The following ASXL3 variants were observed in gnomAD, a reference collection of about 807,000 sequenced individuals.
The protein encoded by ASXL3 is putative Polycomb group protein ASXL3.
Under a neutral mutation model 170.6 loss-of-function variants are expected in ASXL3, and 34 were observed. The ratio of observed to expected loss-of-function variants is 0.20; its 90% CI spans 0.15 to 0.27. The LOEUF (loss-of-function observed/expected upper bound fraction) is 0.27, where lower values mean the gene tolerates loss of function less well. Among genes scored for constraint, ASXL3 ranks in the 10% least tolerant of loss-of-function variants. ASXL3 has a pLI of 1.00. For synonymous variants in ASXL3, 1,002 were observed against 989.1 expected, an observed-to-expected ratio of 1.01 and a Z score of -0.24; for missense variants, 2,592 against 2,695.3, an observed-to-expected ratio of 0.96 and a Z score of 0.85.
intron 8 of ASXL3, chr18:33,690,143 G>A (rs2066664423): frequency 1.3e-5 from 2 of 152,138 alleles, no homozygotes; most frequent in Admixed American, 6.5e-5. Context: ...GATTACAGGG[G>A]TGAGCCACCA....
At position 33,744,019 on chromosome 18, in the gene ASXL3, G is replaced by A; in HGVS notation, c.4171G>A (p.Val1391Met). The A allele has an allele frequency of 1.2e-6, 2 of 1,614,032 alleles. No homozygotes were observed. The highest frequency in any genetic ancestry group is 1.7e-6 in the Non-Finnish European group (2 of 1,179,896). The change falls in exon 12 of 12, where the codon GTG (valine) becomes ATG (methionine). Residue 1391 changes from valine to methionine, a missense_variant. Val to Met is a conservative substitution (Grantham distance 21, BLOSUM62 1). This residue lies in a region of ASXL3 where 2,246 missense variants were observed against 2,219.6 expected (regional missense o/e 1.01). Transcript: ENST00000269197. ...EQATVSMGTT[V>M]RAALSCSDSV... ...GGCCACTGTATCCATGGGTACCACT[G>A]TGAGAGCAGCCCTCAGCTGCAGTGA...
At chr18:33,719,618 G>T (rs979053600) in intron 8 of ASXL3, among the ~76,000 whole-genome samples, 2 of 152,042 alleles carry the variant, frequency 1.3e-5, no homozygotes, top group African/African-American at 4.8e-5. Context: ...TAATTTATAT[G>T]TTGAAATCCT....
rs1337193599 is a variant in ASXL3 at position 33,578,383 on chromosome 18, CCCGCCGCGCGCCGCCGCCGCCG to C, written c.-245_-224del. ...TGCCGCCGCCCCCGCCCCCGGCCCG[CCCGCCGCGCGCCGCCGCCGCCG>C]CCGTCGCGCGCCCCCACCCACTCCA... is the stretch of plus-strand genomic sequence containing the variant. On this transcript the variant is annotated 5_prime_UTR_variant, in exon 1 of 12. Transcript: ENST00000269197. The C allele has an allele frequency of 8.4e-6, 1 of 119,474 alleles. No homozygotes were observed. The highest frequency in any genetic ancestry group is 3.1e-5 in the African/African-American group (1 of 32,066). 7.4% of individuals were successfully genotyped at this position (119,474 alleles called of 1,614,324 possible). A position where few individuals can be genotyped will look rare whatever the true frequency, so the allele number is the denominator to read the frequency against.
chr18:33,748,436 G>A lies in ASXL3; in HGVS notation c.*1841G>A, dbSNP rs911556709. On this transcript the variant is annotated 3_prime_UTR_variant, in exon 12 of 12. Coordinates refer to ENST00000269197, the MANE Select transcript of ASXL3 (RefSeq NM_030632.3). Reference sequence around the variant, plus strand: ...ACTTTATCTTAGAAAGAAAGAAAAGGCCTGCTGCTGTAGCCATGATTTTGG... The same window carrying A: ...ACTTTATCTTAGAAAGAAAGAAAAGACCTGCTGCTGTAGCCATGATTTTGG... 1 of 152,120 alleles carries A rather than the reference G, an allele frequency of 6.6e-6. No homozygotes were observed. Among genetic ancestry groups the A allele is most frequent in the African/African-American group, 2.4e-5 (1 of 41,412 alleles). 9.4% of individuals were successfully genotyped at this position (152,120 alleles called of 1,614,324 possible).
At position 33,718,064 on chromosome 18, in the gene ASXL3, AACAAAAGTATC is replaced by A. The variant is rs1322605590; in HGVS notation, c.880-13897_880-13887del. Among the ~76,000 whole-genome samples the A allele has an allele frequency of 3.3e-5, 5 of 152,098 alleles. No individual in the cohort carries two copies. In the South Asian group the frequency reaches 8.3e-4, roughly 25 times the overall value. ...ATAAAATCTGTTGTTTATACTCCCT[AACAAAAGTATC>A]ACAAAACTGGTAGGGTTAAGTAGAG... On this transcript the variant is annotated intron_variant, in intron 8 of 11. Coordinates refer to ENST00000269197, the MANE Select transcript of ASXL3 (RefSeq NM_030632.3).
chr18:33,705,135 G>C (rs563940790), intron 8 of ASXL3, among the ~76,000 whole-genome samples: 2 of 151,648 alleles, frequency 1.3e-5, no homozygotes, highest in Admixed American at 1.3e-4. Context: ...TCAATATACA[G>C]TTGATTCTTA....
At chr18:33,657,984 G>C (rs1238093162) in intron 4 of ASXL3, among the ~76,000 whole-genome samples, 2 of 152,092 alleles carry the variant, frequency 1.3e-5, no homozygotes, top group Non-Finnish European at 2.9e-5. Flanking sequence ...CAAAGTATAA[G>C]GTCCTGGCAT....
intron 7 of ASXL3, among the ~76,000 whole-genome samples, chr18:33,677,209 G>GT (rs1323772478): frequency 4.6e-5 from 7 of 152,010 alleles, no homozygotes; most frequent in Admixed American, 4.6e-4. Context: ...AGCTTTGTTG[G>GT]TTTTATAAAA....
intron 7 of ASXL3, among the ~76,000 whole-genome samples, chr18:33,679,368 A>C (rs1218488048): frequency 1.3e-5 from 2 of 152,114 alleles, no homozygotes; most frequent in Non-Finnish European, 2.9e-5. Context: ...CTACATACCC[A>C]ACATCTCAAC....
intron 3 of ASXL3, 50 bp downstream of exon 3, chr18:33,645,052 T>C: frequency 1.5e-6 from 2 of 1,318,872 alleles, no homozygotes; most frequent in Non-Finnish European, 1.0e-6. Context: ...ATGCATTTTT[T>C]CAGACATGTG....
intron 2 of ASXL3, among the ~76,000 whole-genome samples, chr18:33,637,790 A>G (rs2065791122): frequency 6.6e-6 from 1 of 152,144 alleles, no homozygotes; most frequent in South Asian, 2.1e-4. Context: ...ACATGATCAC[A>G]TCTCAGTCAT....
At chr18:33,632,681 G>A (rs2065697640) in intron 2 of ASXL3, among the ~76,000 whole-genome samples, 1 of 151,978 alleles carries the variant, frequency 6.6e-6, no homozygotes, top group Admixed American at 6.6e-5. Flanking sequence ...TTTTGTCTTT[G>A]CATGTATTTC....
rs559165634 is a variant in ASXL3 at position 33,640,266 on chromosome 18, C to T, written c.138-4628C>T. Among the ~76,000 whole-genome samples the T allele has an allele frequency of 3.3e-5, 5 of 150,586 alleles. No individual in the cohort carries two copies. The South Asian group carries it at 1.0e-3, about 32-fold the overall frequency. ...TATAACTATATACATATATTACAAA[C>T]ATATATATATATATCATTCAGATAA... On this transcript the variant is annotated intron_variant, in intron 2 of 11. Transcript: ENST00000269197.
intron 1 of ASXL3, among the ~76,000 whole-genome samples, chr18:33,607,180 C>A (rs573043841): frequency 6.6e-6 from 1 of 151,918 alleles, no homozygotes; most frequent in Admixed American, 6.6e-5. Context: ...ACCAGCACTC[C>A]GTTCTCTTCT....
chr18:33,699,128 A>G (rs2066826133), intron 8 of ASXL3, among the ~76,000 whole-genome samples: 2 of 152,304 alleles, frequency 1.3e-5, no homozygotes, highest in South Asian at 4.1e-4. Context: ...AGAGGGAGAG[A>G]TACATATATA....
intron 4 of ASXL3, among the ~76,000 whole-genome samples, chr18:33,659,295 A>C (rs1379035569): frequency 1.3e-5 from 2 of 152,220 alleles, no homozygotes; most frequent in African/African-American, 2.4e-5. Flanking sequence ...TTGGAAGTAC[A>C]TTTAGACGCC....
At chr18:33,680,192 A>AT (rs984421576) in intron 7 of ASXL3, among the ~76,000 whole-genome samples, 22 of 151,162 alleles carry the variant, frequency 1.5e-4, no homozygotes, top group East Asian at 3.9e-4. Flanking sequence ...TTCCGTTACA[A>AT]TTTTTTTTTC....
intron 8 of ASXL3, among the ~76,000 whole-genome samples, chr18:33,719,885 T>G (rs1182752709): frequency 1.3e-5 from 2 of 152,070 alleles, no homozygotes; most frequent in East Asian, 3.9e-4. Flanking sequence ...TTTTGTTGTT[T>G]ATAAGCTGCC....
At chr18:33,691,446 G>T (rs1031493498) in intron 8 of ASXL3, among the ~76,000 whole-genome samples, 2 of 152,154 alleles carry the variant, frequency 1.3e-5, no homozygotes, top group African/African-American at 4.8e-5. Context: ...CTCTTGACTG[G>T]CAGACCTTGT....
Sources: gnomAD v4.1 joint callset for allele counts (sites outside exome capture counted in the v4.1 genomes callset) on GRCh38, gnomAD v4.1.1 for gene constraint, gnomAD v4.1.1 regional missense constraint, MANE v1.5 for transcripts, NCBI Gene and HGNC (gene_info 2026-07-23, HGNC 2026-07-21) for gene names.